NRG2: variants seen among roughly 807,000 people sequenced by gnomAD.
NRG2 encodes pro-neuregulin-2, membrane-bound isoform.
NRG2 carries 27 observed loss-of-function variants against 73.9 expected under a neutral mutation model. The ratio of observed to expected loss-of-function variants is 0.37; its 90% confidence interval spans 0.27 to 0.50. The LOEUF is 0.50. Ranked by LOEUF, NRG2 falls within the 20% of genes least tolerant of loss-of-function variation. The pLI is 0.96. For synonymous variants in NRG2, 532 were observed against 541.0 expected (o/e 0.98, Z 0.23); for missense variants, 1,126 against 1,210.1 (o/e 0.93, Z 1.03).
In NRG2 at chr5:139,954,474, C is replaced by T. The variant is rs1754466459; in HGVS notation, c.701-66963G>A. Among the ~76,000 whole-genome samples, 1 of 152,218 alleles carries T rather than the reference C, an allele frequency of 6.6e-6. No homozygotes were observed. The highest frequency in any genetic ancestry group is 1.5e-5 in the Non-Finnish European group (1 of 68,044). On this transcript the variant is annotated intron_variant, in intron 1 of 9. Coordinates refer to ENST00000361474, the MANE Select transcript of NRG2 (RefSeq NM_004883.3). The surrounding 1 kb of genome is among the most constrained non-coding windows in gnomAD (Gnocchi z 5.0). ...TCCAATTCATCCATCACACCATGGC[C>T]AAATTCATCCCACCACCCACTCTCC...
chr5:139,860,475 C>T (rs1476612228), intron 5 of NRG2, among the ~76,000 whole-genome samples: 5 of 151,940 alleles, frequency 3.3e-5, no homozygotes, highest in African/African-American at 7.3e-5. Context: ...ACTGGGAGCC[C>T]GGGTGGGGAG....
At chr5:139,997,004 T>G (rs537931827) in intron 1 of NRG2, among the ~76,000 whole-genome samples, 4 of 152,036 alleles carry the variant, frequency 2.6e-5, no homozygotes, top group African/African-American at 9.6e-5. Context: ...TAGCAGGGCA[T>G]GGTGGCACAT....
intron 1 of NRG2, among the ~76,000 whole-genome samples, chr5:140,011,250 C>T (rs1297791860): frequency 1.3e-5 from 2 of 152,308 alleles, no homozygotes; most frequent in East Asian, 3.9e-4. Flanking sequence ...ATGTTATAGC[C>T]TCTTCCTTAA....
intron 1 of NRG2, among the ~76,000 whole-genome samples, chr5:140,010,064 A>G (rs545494915): frequency 7.2e-5 from 11 of 152,140 alleles, no homozygotes; most frequent in Non-Finnish European, 1.5e-4. Flanking sequence ...CTGAGAGGCC[A>G]AGGTGGGTGG....
In NRG2 at chr5:140,043,171, C is replaced by G; in HGVS notation, c.-102G>C. 1 of 1,351,864 alleles carries G rather than the reference C, an allele frequency of 7.4e-7. No individual in the cohort carries two copies. The highest frequency in any genetic ancestry group is 9.8e-7 in the Non-Finnish European group (1 of 1,016,578). The allele number at this position is 1,351,864 out of a possible 1,614,324, so 83.7% of individuals were successfully genotyped here. On this transcript the variant is annotated 5_prime_UTR_variant, in exon 1 of 10. Transcript: ENST00000361474. The surrounding 1 kb of genome is among the most constrained non-coding windows in gnomAD (Gnocchi z 6.7). ...CGGAAACAGCGTAACGTTAGCGCCT[C>G]TTAGCCCTCCACCGGCAGCCCGGGG...
At chr5:139,900,740 G>T (rs894640085) in intron 1 of NRG2, among the ~76,000 whole-genome samples, 1 of 152,236 alleles carries the variant, frequency 6.6e-6, no homozygotes, top group Non-Finnish European at 1.5e-5. Flanking sequence ...CGAGGCCAGG[G>T]CTAGGGCCTG....
At chr5:139,940,412 A>G (rs190384910) in intron 1 of NRG2, among the ~76,000 whole-genome samples, 3 of 152,326 alleles carry the variant, frequency 2.0e-5, no homozygotes, top group African/African-American at 7.2e-5. Flanking sequence ...TGCTTGGGGC[A>G]TGAGAAATTT....
At chr5:139,951,870 G>A (rs1240730819) in intron 1 of NRG2, among the ~76,000 whole-genome samples, 1 of 152,236 alleles carries the variant, frequency 6.6e-6, no homozygotes, top group Non-Finnish European at 1.5e-5. Context: ...CAGCCTCAGG[G>A]TCTTAGCCCT....
At chr5:139,848,784 G>GC in intron 9 of NRG2, 87 bp from the exon 10 acceptor site, 5 of 619,358 alleles carry the variant, frequency 8.1e-6, no homozygotes, top group East Asian at 4.9e-5. Flanking sequence ...GGTGGGAGGG[G>GC]CGGACCCAGA....
At chr5:139,880,815 A>G in intron 3 of NRG2, 41 bp downstream of exon 3, 1 of 1,555,720 alleles carries the variant, frequency 6.4e-7, no homozygotes, top group Non-Finnish European at 8.8e-7. Context: ...CCGCCCTGCC[A>G]AACCCCTCTA....
intron 1 of NRG2, among the ~76,000 whole-genome samples, chr5:139,997,548 C>T (rs930908288): frequency 2.0e-5 from 3 of 152,140 alleles, no homozygotes; most frequent in Non-Finnish European, 4.4e-5. Context: ...CAGGTCTGCC[C>T]CCAAAGGTTA....
rs1274984311 is a variant in NRG2 at position 139,868,748 on chromosome 5, G to A, written c.1112+2973C>T. Among the ~76,000 whole-genome samples the A allele has an allele frequency of 6.6e-6, 1 of 152,122 alleles. No homozygotes were observed. Among genetic ancestry groups the A allele is most frequent in the African/African-American group, 2.4e-5 (1 of 41,412 alleles). ...GGGGGTGGATGAAGGATGGCGGTGT[G>A]CCCCGGGCACTGGAGGGAGTGAAGG... is the stretch of plus-strand genomic sequence containing the variant. On this transcript the variant is annotated intron_variant, in intron 4 of 9. Transcript: ENST00000361474. This position sits in a 1 kb window ranked among gnomAD's most constrained non-coding sequence, Gnocchi z 4.2.
In NRG2 at chr5:139,851,982, A is replaced by G; in HGVS notation, c.1545-151T>C. 1.5e-6 allele frequency: 1 copy of G among 675,746 alleles called. No homozygotes were observed. The highest frequency in any genetic ancestry group is 1.9e-5 in the South Asian group (1 of 52,794). The allele number at this position is 675,746 out of a possible 1,614,324, so 41.9% of individuals were successfully genotyped here. A position where few individuals can be genotyped will look rare whatever the true frequency, so the allele number is the denominator to read the frequency against. ...ACTCTGGGGTGATGTGTATTGTTGCAAATGCCCAACCCCAATATTGGAAGA... is the reference window on the plus strand; with the variant it reads ...ACTCTGGGGTGATGTGTATTGTTGCGAATGCCCAACCCCAATATTGGAAGA... On this transcript the variant is annotated intron_variant, in intron 8 of 9. Transcript: ENST00000361474. This position sits in a 1 kb window ranked among gnomAD's most constrained non-coding sequence, Gnocchi z 4.2.
chr5:139,978,109 T>C lies in NRG2; in HGVS notation c.700+64261A>G, dbSNP rs2126551504. ...ATTGACAAATAGGATCTAATTAAAC[T>C]AAAGAGCTTCTGCACAGCAAAAGAA... is the stretch of plus-strand genomic sequence containing the variant. On this transcript the variant is annotated intron_variant, in intron 1 of 9. Transcript: ENST00000361474. 1.3e-5 allele frequency among the ~76,000 whole-genome samples: 2 copies of C among 152,178 alleles called. 1 individual carries two copies. Among genetic ancestry groups the C allele is most frequent in the Admixed American group, 1.3e-4 (2 of 15,288 alleles).
At position 139,855,716 on chromosome 5, in the gene NRG2, C is replaced by G; in HGVS notation, c.1252G>C (p.Val418Leu). Residue 418 changes from valine (V) to leucine (L), a missense_variant, in exon 6 of 10, where the codon GTC (valine) becomes CTC (leucine). Physicochemically the swap from Val to Leu is conservative, Grantham distance 32. This residue lies in a region of NRG2 where 539 missense variants were observed against 703.2 expected (regional missense o/e 0.77). Coordinates refer to ENST00000361474, the MANE Select transcript of NRG2 (RefSeq NM_004883.3). ...TITGICVALL[V>L]VGIVCVVAYC... ...GCCACCACACAGACGATGCCCACGA[C>G]CAGCAGAGCCACGCAGATGCCCGTG... is the stretch of plus-strand genomic sequence containing the variant. 6.2e-7 allele frequency: 1 copy of G among 1,614,134 alleles called. No individual in the cohort carries two copies. The highest frequency in any genetic ancestry group is 8.5e-7 in the Non-Finnish European group (1 of 1,179,996).
Position 140,042,894 on chromosome 5 carries a change from G to A in NRG2, c.176C>T (p.Pro59Leu). Residue 59 changes from proline to leucine, a missense_variant, in exon 1 of 10, where the codon CCC becomes CTC. Around this residue, in one of 3 missense-constraint regions of NRG2, gnomAD observed 185 missense variants for 149.0 expected, o/e 1.24. Transcript: ENST00000361474. ...SSSNNSSISR[P>L]AAPPEPRPQQ... ...CGGCCGCGGCTCTGGGGGCGCAGCG[G>A]GACGAGAGATGCTGCTGTTGTTGCT... 2.0e-6 allele frequency: 3 copies of A among 1,526,354 alleles called. No homozygotes were observed. Among genetic ancestry groups the A allele is most frequent in the Non-Finnish European group, 2.6e-6 (3 of 1,138,094 alleles). 94.6% of individuals were successfully genotyped at this position (1,526,354 alleles called of 1,614,324 possible).
At chr5:139,893,191 A>G (rs985522949) in intron 1 of NRG2, among the ~76,000 whole-genome samples, 3 of 152,248 alleles carry the variant, frequency 2.0e-5, no homozygotes, top group African/African-American at 7.2e-5. Flanking sequence ...GTCAATATAC[A>G]TTCAAAACAT....
intron 1 of NRG2, among the ~76,000 whole-genome samples, chr5:140,018,621 T>C (rs1057251213): frequency 7.2e-5 from 11 of 152,182 alleles, no homozygotes; most frequent in African/African-American, 2.4e-4. Context: ...TTCATCAGCA[T>C]CTCTTAGCCC....
chr5:139,880,629 T>C (rs946052312), intron 3 of NRG2, among the ~76,000 whole-genome samples: 1 of 152,196 alleles, frequency 6.6e-6, no homozygotes, highest in Non-Finnish European at 1.5e-5. Context: ...TCAGGGTATT[T>C]AAAATGAGAG....
Sources: gnomAD v4.1 joint callset for allele counts (sites outside exome capture counted in the v4.1 genomes callset) on GRCh38, gnomAD v4.1.1 for gene constraint, gnomAD v4.1.1 regional missense constraint, Gnocchi (gnomAD v3.1) non-coding constraint, MANE v1.5 for transcripts, NCBI Gene and HGNC (gene_info 2026-07-23, HGNC 2026-07-21) for gene names.